TSBP1: variants seen among roughly 807,000 people sequenced by gnomAD.
The protein encoded by TSBP1 is testis-expressed basic protein 1.
In TSBP1, 56 loss-of-function variants were observed where a neutral mutation model predicts 68.8. The ratio of observed to expected loss-of-function variants is 0.81; its 90% CI spans 0.66 to 1.02. TSBP1 has a LOEUF of 1.02. Ranked by LOEUF, TSBP1 falls within the 50% of genes least tolerant of loss-of-function variation. The probability of loss-of-function intolerance (pLI) is 0.00; values close to 1 mark genes in which losing one functional copy is unlikely to be tolerated. For missense variants in TSBP1, 502 were observed against 641.2 expected, an observed-to-expected ratio of 0.78 and a Z score of 2.34; for synonymous variants, 171 against 208.7, an observed-to-expected ratio of 0.82 and a Z score of 1.56.
chr6:32,362,423 C>G (rs1773170796), intron 6 of TSBP1, among the ~76,000 whole-genome samples: 1 of 152,252 alleles, frequency 6.6e-6, no homozygotes, highest in Non-Finnish European at 1.5e-5. Context: ...CCACATGCGC[C>G]CCCTCAGCCT....
At chr6:32,313,702 G>A (rs982674037) in intron 19 of TSBP1, among the ~76,000 whole-genome samples, 2 of 152,036 alleles carry the variant, frequency 1.3e-5, no homozygotes, top group African/African-American at 2.4e-5. Flanking sequence ...CTTCTTGGTG[G>A]CTATTGTCCT....
At chr6:32,347,134 TA>T (rs1554203454) in intron 9 of TSBP1, among the ~76,000 whole-genome samples, 1 of 150,476 alleles carries the variant, frequency 6.6e-6, no homozygotes, top group Non-Finnish European at 1.5e-5. Flanking sequence ...ATAACATTTT[TA>T]AAAAACCATG....
rs1198718078 is a variant in TSBP1 at position 32,365,356 on chromosome 6, G to C, written c.217+811C>G. 1 of 457,206 alleles carries C rather than the reference G, an allele frequency of 2.2e-6. No homozygotes were observed. The highest frequency in any genetic ancestry group is 4.4e-6 in the Non-Finnish European group (1 of 227,084). The allele number at this position is 457,206 out of a possible 1,614,324, so 28.3% of individuals were successfully genotyped here. On this transcript the variant is annotated intron_variant, in intron 6 of 22. Transcript: ENST00000612031. This position sits in a 1 kb window ranked among gnomAD's most constrained non-coding sequence, Gnocchi z 4.3. Reference sequence around the variant, plus strand: ...AACTGACTGTGAGATGTTTCCTTTTGTTGTCCATGGTGGCTCATTTGGGGA... The same window carrying C: ...AACTGACTGTGAGATGTTTCCTTTTCTTGTCCATGGTGGCTCATTTGGGGA...
At chr6:32,303,030 C>T (rs1403139613) in intron 19 of TSBP1, among the ~76,000 whole-genome samples, 2 of 152,186 alleles carry the variant, frequency 1.3e-5, no homozygotes, top group East Asian at 1.9e-4. Context: ...ATCTGTCCCT[C>T]CAAATCTCTC....
intron 6 of TSBP1, chr6:32,356,883 A>G (rs761601219): frequency 1.1e-4 from 17 of 154,360 alleles, no homozygotes; most frequent in Middle Eastern, 5.2e-4. Context: ...CTAAGAATAA[A>G]TTTAATTTCA....
intron 6 of TSBP1, among the ~76,000 whole-genome samples, chr6:32,356,426 G>A (rs1772338560): frequency 6.6e-6 from 1 of 152,030 alleles, no homozygotes; most frequent in Non-Finnish European, 1.5e-5. Flanking sequence ...GTTTCTCATG[G>A]TTCTATGGGG....
intron 18 of TSBP1, 69 bp from the exon 20 acceptor site, chr6:32,322,575 T>C: frequency 8.1e-7 from 1 of 1,237,108 alleles, no homozygotes; most frequent in South Asian, 1.2e-5. Flanking sequence ...TTATCTAATA[T>C]ATTTTGCTGG....
chr6:32,366,932 T>C lies in TSBP1; in HGVS notation c.167-630A>G, dbSNP rs539217229. Among the ~76,000 whole-genome samples, 4 of 152,206 alleles carry C rather than the reference T, an allele frequency of 2.6e-5. No individual in the cohort carries two copies. The East Asian group carries it at 5.8e-4, about 22-fold the overall frequency. On this transcript the variant is annotated intron_variant, in intron 4 of 22. Coordinates refer to ENST00000612031, the Ensembl canonical transcript of TSBP1. ...CTTGTTGTTCATGATAGATGAATCA[T>C]AGAGGTAAGAAGGAGAAGGATGGAC...
rs564724665 is a variant in TSBP1 at position 32,357,586 on chromosome 6, G to A, written c.218-1917C>T. Among the ~76,000 whole-genome samples the A allele has an allele frequency of 4.7e-4, 71 of 152,262 alleles. No individual in the cohort carries two copies. Among genetic ancestry groups the A allele is most frequent in the Admixed American group, 3.7e-3 (56 of 15,296 alleles). On this transcript the variant is annotated intron_variant, in intron 6 of 22. Transcript: ENST00000612031. The surrounding 1 kb of genome is among the most constrained non-coding windows in gnomAD (Gnocchi z 4.7). Reference sequence around the variant, plus strand: ...GTGAATAGACTATAAGAAGGCAAGAGGAGTATCAAGGAAACAAGGTAGGAG... The same window carrying A: ...GTGAATAGACTATAAGAAGGCAAGAAGAGTATCAAGGAAACAAGGTAGGAG...
intron 6 of TSBP1, among the ~76,000 whole-genome samples, chr6:32,362,132 T>C (rs991715027): frequency 3.3e-5 from 5 of 151,408 alleles, no homozygotes; most frequent in African/African-American, 7.3e-5. Flanking sequence ...CTACTAAAAA[T>C]ACAAAAATTA....
chr6:32,330,128 G>A (rs1768785067), intron 16 of TSBP1, among the ~76,000 whole-genome samples: 1 of 152,056 alleles, frequency 6.6e-6, no homozygotes, highest in Non-Finnish European at 1.5e-5. Flanking sequence ...AGAGAAAACT[G>A]TAGAACTCAG....
In TSBP1 at chr6:32,325,170, T is replaced by C; in HGVS notation, c.515-1556A>G. 3.7e-6 allele frequency: 2 copies of C among 540,076 alleles called. No individual in the cohort carries two copies. Among genetic ancestry groups the C allele is most frequent in the South Asian group, 3.5e-5 (1 of 28,740 alleles). 33.5% of individuals were successfully genotyped at this position (540,076 alleles called of 1,614,324 possible). ...TAATTTATTTATGCCTTTCTGCCCA[T>C]GGATGCCATGGAAGAAGCATCATTA... On this transcript the variant is annotated intron_variant, in intron 16 of 22. Coordinates refer to ENST00000612031, the Ensembl canonical transcript of TSBP1. The surrounding 1 kb of genome is among the most constrained non-coding windows in gnomAD (Gnocchi z 4.4).
chr6:32,300,652 G>T, intron 21 of TSBP1, 28 bp downstream of exon 24: 1 of 1,609,590 alleles, frequency 6.2e-7, no homozygotes, highest in Non-Finnish European at 8.5e-7. Context: ...ACAGAAATAG[G>T]TAAGGCAAGG....
chr6:32,332,165 G>A, intron 14 of TSBP1, 111 bp from the exon 16 acceptor site: 2 of 774,900 alleles, frequency 2.6e-6, no homozygotes, highest in Non-Finnish European at 4.6e-6. Context: ...GAGAGGAAGT[G>A]ATATCAGTTA....
chr6:32,294,195 A>T (rs747376665), intron 22 of TSBP1, 160 bp from the exon 26 acceptor site: 1 of 772,836 alleles, frequency 1.3e-6, no homozygotes, highest in Non-Finnish European at 2.1e-6. Context: ...TGTACATAAA[A>T]TTATAAAAGT....
At chr6:32,346,961 T>C (rs3132964) in intron 9 of TSBP1, among the ~76,000 whole-genome samples, 116,402 of 152,114 alleles carry the variant, frequency 0.77, 44,783 homozygotes, top group South Asian at 0.88. Context: ...ATGTGTTATA[T>C]TTGACATTTG....
chr6:32,352,968 T>C (rs1438907691), intron 8 of TSBP1: 1 of 151,796 alleles, frequency 6.6e-6, no homozygotes, highest in African/African-American at 2.4e-5. Flanking sequence ...AAATTCATGG[T>C]GTCCCATATA....
chr6:32,294,190 A>G (rs6919543), intron 22 of TSBP1, 155 bp from the exon 26 acceptor site: 12,091 of 775,262 alleles, frequency 0.016, 490 homozygotes, highest in African/African-American at 0.12. Context: ...TTCTCTGTAC[A>G]TAAAATTATA....
intron 9 of TSBP1, among the ~76,000 whole-genome samples, chr6:32,346,731 G>C (rs1484697391): frequency 6.6e-6 from 1 of 152,124 alleles, no homozygotes; most frequent in East Asian, 1.9e-4. Flanking sequence ...CCAGCTGCTT[G>C]GGTGGCTGAG....
Sources: allele counts gnomAD v4.1 joint callset (sites outside exome capture counted in the v4.1 genomes callset), GRCh38; gene constraint gnomAD v4.1.1; non-coding constraint Gnocchi (gnomAD v3.1); transcripts MANE v1.5; gene names NCBI Gene and HGNC (gene_info 2026-07-23, HGNC 2026-07-21).